Variants in LINGO2 observed in about 807,000 individuals in gnomAD.
LINGO2 encodes leucine-rich repeat and immunoglobulin-like domain-containing nogo receptor-interacting protein 2.
In LINGO2, 14 loss-of-function variants were observed where a neutral mutation model predicts 30.6. The observed-to-expected ratio is 0.46, with a 90% CI of 0.30 to 0.72. The LOEUF (loss-of-function observed/expected upper bound fraction) is 0.72. Ranked by LOEUF, LINGO2 falls within the 30% of genes least tolerant of loss-of-function variation. The pLI is 0.07. For missense variants in LINGO2, 729 were observed against 751.7 expected (o/e 0.97, Z 0.35); for synonymous variants, 317 against 288.5 (o/e 1.10, Z -1.00).
the LINGO2 span, among the ~76,000 whole-genome samples, chr9:29,181,458 T>G: frequency 6.6e-6 from 1 of 152,202 alleles, no homozygotes; most frequent in Non-Finnish European, 1.5e-5. Flanking sequence ...TCCAGCATTT[T>G]CATGTTTGAT....
intron 4 of LINGO2, among the ~76,000 whole-genome samples, chr9:28,290,772 C>A (rs546798099): frequency 2.0e-5 from 3 of 151,878 alleles, no homozygotes; most frequent in Non-Finnish European, 2.9e-5. Flanking sequence ...TTTTCAGAGG[C>A]CTGAACATCA....
intron 4 of LINGO2, among the ~76,000 whole-genome samples, chr9:28,090,628 G>A (rs530519673): frequency 2.3e-4 from 35 of 152,138 alleles, no homozygotes; most frequent in South Asian, 1.0e-3. Context: ...GGCAAAAACC[G>A]GAAGCATTCC....
At chr9:27,986,207 C>T (rs1358045444) in intron 5 of LINGO2, among the ~76,000 whole-genome samples, 2 of 151,192 alleles carry the variant, frequency 1.3e-5, no homozygotes, top group Non-Finnish European at 3.0e-5. Context: ...AGAAGATGGT[C>T]CATTATCCCA....
the LINGO2 span, among the ~76,000 whole-genome samples, chr9:28,905,922 G>A: frequency 0.041 from 6,229 of 152,060 alleles, 195 homozygotes; most frequent in Admixed American, 0.082. Context: ...GTCCATTAAA[G>A]GATGAATAAG....
At chr9:28,012,470 C>T (rs958805707) in intron 4 of LINGO2, 28 of 151,850 alleles carry the variant, frequency 1.8e-4, no homozygotes, top group African/African-American at 6.8e-4. Flanking sequence ...ACCTTCTCTA[C>T]TGCCTTTCTC....
At chr9:28,475,309 T>C (rs536169502) in intron 2 of LINGO2, among the ~76,000 whole-genome samples, 44 of 152,308 alleles carry the variant, frequency 2.9e-4, no homozygotes, top group African/African-American at 9.9e-4. Flanking sequence ...ATCTATTAGA[T>C]ACTAAAGGTT....
chr9:28,030,326 ATATTT>A (rs1317045397), intron 4 of LINGO2, among the ~76,000 whole-genome samples: 2 of 152,206 alleles, frequency 1.3e-5, no homozygotes, highest in Non-Finnish European at 2.9e-5. Context: ...TCATGTCAAT[ATATTT>A]TATCACAATG....
At chr9:28,741,787 T>G in the LINGO2 span, among the ~76,000 whole-genome samples, 1 of 151,544 alleles carries the variant, frequency 6.6e-6, no homozygotes, top group African/African-American at 2.4e-5. Context: ...TGGCCTAGAG[T>G]CTGGGTCTGC....
At chr9:28,604,402 T>C (rs1350372443) in intron 1 of LINGO2, among the ~76,000 whole-genome samples, 2 of 152,084 alleles carry the variant, frequency 1.3e-5, no homozygotes, top group Non-Finnish European at 2.9e-5. Flanking sequence ...TCAATTTGGA[T>C]TGTCTTTTAG....
At chr9:28,796,665 G>T in the LINGO2 span, among the ~76,000 whole-genome samples, 13 of 152,074 alleles carry the variant, frequency 8.5e-5, no homozygotes, top group South Asian at 6.2e-4. Context: ...TGATAAGAGG[G>T]AGGACATGTG....
chr9:28,833,244 C>T, the LINGO2 span, among the ~76,000 whole-genome samples: 3 of 152,136 alleles, frequency 2.0e-5, no homozygotes, highest in Non-Finnish European at 2.9e-5. Flanking sequence ...ATATATACCC[C>T]TCTTTTGTAG....
At chr9:28,347,483 C>T (rs1389780080) in intron 3 of LINGO2, among the ~76,000 whole-genome samples, 1 of 152,012 alleles carries the variant, frequency 6.6e-6, no homozygotes, top group Non-Finnish European at 1.5e-5. Flanking sequence ...AAGAAGTTGT[C>T]AATACAATCC....
intron 3 of LINGO2, among the ~76,000 whole-genome samples, chr9:28,314,226 G>A (rs981338186): frequency 6.6e-5 from 10 of 152,150 alleles, no homozygotes; most frequent in Admixed American, 3.9e-4. Context: ...GAGCCACCGC[G>A]CCCGGCCGAG....
At chr9:28,180,119 G>A (rs973332056) in intron 4 of LINGO2, among the ~76,000 whole-genome samples, 2 of 152,060 alleles carry the variant, frequency 1.3e-5, no homozygotes, top group African/African-American at 4.8e-5. Flanking sequence ...CTTCAGTGTG[G>A]ATTAGGGAAA....
chr9:28,008,405 C>CAT (rs1401376427), intron 5 of LINGO2, among the ~76,000 whole-genome samples: 2 of 151,882 alleles, frequency 1.3e-5, no homozygotes, highest in Non-Finnish European at 2.9e-5. Flanking sequence ...AATCAGTGAA[C>CAT]ATATCCATTT....
intron 1 of LINGO2, among the ~76,000 whole-genome samples, chr9:28,508,366 C>G (rs536273029): frequency 6.6e-6 from 1 of 151,992 alleles, no homozygotes; most frequent in Non-Finnish European, 1.5e-5. Context: ...ACTCAGATGA[C>G]TTATAACAGT....
In LINGO2 at chr9:27,948,659, G is replaced by C. The variant is rs1297995428; in HGVS notation, c.*192C>G. ...CACTTAGTATCCCACTGTGTGAAGG[G>C]CTCTGACACATGCCTGCCTGCCTGC... On this transcript the variant is annotated 3_prime_UTR_variant, in exon 6 of 6. Coordinates refer to ENST00000379992, the Ensembl canonical transcript of LINGO2. The C allele has an allele frequency of 1.1e-5, 7 of 662,400 alleles. No individual in the cohort carries two copies. In the African/African-American group the frequency reaches 1.3e-4, roughly 12 times the overall value. The allele number at this position is 662,400 out of a possible 1,614,324, so 41.0% of individuals were successfully genotyped here. A position where few individuals can be genotyped will look rare whatever the true frequency, so the allele number is the denominator to read the frequency against.
intron 5 of LINGO2, among the ~76,000 whole-genome samples, chr9:27,966,746 GA>G (rs145756881): frequency 0.016 from 2,468 of 151,820 alleles, 56 homozygotes; most frequent in African/African-American, 0.056. Context: ...ATTAAAAAAA[GA>G]AAAAAAATAA....
At chr9:28,863,881 TA>T in the LINGO2 span, among the ~76,000 whole-genome samples, 1 of 152,004 alleles carries the variant, frequency 6.6e-6, no homozygotes, top group Non-Finnish European at 1.5e-5. Flanking sequence ...TTTAAGTAAA[TA>T]AAACTTAAAA....
Sources: allele counts gnomAD v4.1 joint callset (sites outside exome capture counted in the v4.1 genomes callset), GRCh38; gene constraint gnomAD v4.1.1; transcripts MANE v1.5; gene names NCBI Gene and HGNC (gene_info 2026-07-23, HGNC 2026-07-21).